The following IFT22 variants were observed in gnomAD, a reference collection of about 807,000 sequenced individuals.
The protein encoded by IFT22 is intraflagellar transport 22.
A neutral mutation model predicts 21.0 loss-of-function variants in IFT22; 13 were observed. That is an observed-to-expected ratio of 0.62 (90% CI 0.40 to 0.98). IFT22 has a LOEUF of 0.98. Ranked by LOEUF, IFT22 falls within the 50% of genes least tolerant of loss-of-function variation. The pLI, the probability that IFT22 is intolerant of heterozygous loss-of-function variation, is 0.00. For missense variants in IFT22, 227 were observed against 228.9 expected, an observed-to-expected ratio of 0.99 and a Z score of 0.06; for synonymous variants, 67 against 82.4, an observed-to-expected ratio of 0.81 and a Z score of 1.01.
In IFT22 at chr7:101,312,553, T is replaced by TTTTG. The variant is rs71126400; in HGVS notation, c.*2580_*2581insCAAA. ...GAGTTGTTTTTTTTTTTTTTTTTTT[T>TTTTG]GTGACGGAGTCTCGCTATGTTGCCG... On this transcript the variant is annotated 3_prime_UTR_variant, in exon 5 of 5. Transcript: ENST00000315322. 1.5e-5 allele frequency among the ~76,000 whole-genome samples: 2 copies of TTTTG among 135,964 alleles called. No individual in the cohort carries two copies. Among genetic ancestry groups the TTTTG allele is most frequent in the Non-Finnish European group, 3.2e-5 (2 of 63,170 alleles). The allele number at this position is 135,964 out of a possible 152,430, so 89.2% of individuals were successfully genotyped here. A position where few individuals can be genotyped will look rare whatever the true frequency, so the allele number is the denominator to read the frequency against.
chr7:101,316,060 G>C, intron 4 of IFT22: 1 of 318,408 alleles, frequency 3.1e-6, no homozygotes. Context: ...GTGTAGTGGT[G>C]AGATCTCAAC....
intron 4 of IFT22, chr7:101,315,573 T>A (rs181684223): frequency 4.5e-4 from 187 of 418,514 alleles, no homozygotes; most frequent in Admixed American, 1.8e-3. Flanking sequence ...GATGACTGTG[T>A]CACCTCTGGG....
intron 2 of IFT22, 115 bp downstream of exon 2, chr7:101,318,841 G>A (rs987069029): frequency 1.3e-5 from 10 of 774,668 alleles, no homozygotes; most frequent in Non-Finnish European, 2.3e-5. Flanking sequence ...TCCCTATATT[G>A]CCCAGGCCTC....
At position 101,321,147 on chromosome 7, in the gene IFT22, AAAC is replaced by A. The variant is rs200691106; in HGVS notation, c.39+521_39+523del. On this transcript the variant is annotated intron_variant, in intron 1 of 4. Transcript: ENST00000315322. ...GACAGGGCGAGACTCTGTCTCAAAA[AAAC>A]AAAACAAAACAAAAACAACAAATTT... Among the ~76,000 whole-genome samples the A allele has an allele frequency of 3.5e-3, 537 of 152,146 alleles. 25 individuals carry two copies. In the East Asian group the frequency reaches 0.091, roughly 26 times the overall value.
chr7:101,312,533 G>GTTTTTTTTT lies in IFT22; in HGVS notation c.*2592_*2600dup, dbSNP rs386410832. Among the ~76,000 whole-genome samples, 9 of 114,600 alleles carry GTTTTTTTTT rather than the reference G, an allele frequency of 7.9e-5. No homozygotes were observed. Among genetic ancestry groups the GTTTTTTTTT allele is most frequent in the Admixed American group, 1.1e-4 (1 of 9,224 alleles). The allele number at this position is 114,600 out of a possible 152,430, so 75.2% of individuals were successfully genotyped here. A position where few individuals can be genotyped will look rare whatever the true frequency, so the allele number is the denominator to read the frequency against. On this transcript the variant is annotated 3_prime_UTR_variant, in exon 5 of 5. Transcript: ENST00000315322. ...TAAATATAATGTTTTGGAGAGAGTTGTTTTTTTTTTTTTTTTTTTTGTGAC... is the reference window on the plus strand; with the variant it reads ...TAAATATAATGTTTTGGAGAGAGTTGTTTTTTTTTTTTTTTTTTTTTTTTTTTTTGTGAC...
At chr7:101,318,706 A>C (rs1790238465) in intron 2 of IFT22, 1 of 439,712 alleles carries the variant, frequency 2.3e-6, no homozygotes, top group Non-Finnish European at 4.2e-6. Context: ...GCACGATCAT[A>C]GCTCACTGCA....
intron 4 of IFT22, chr7:101,315,505 GAATA>G: frequency 1.7e-6 from 1 of 571,444 alleles, no homozygotes; most frequent in Non-Finnish European, 3.1e-6. Context: ...AACCAGAAAG[GAATA>G]GATTCTCTAT....
At chr7:101,317,221 C>T (rs750400104) in intron 3 of IFT22, among the ~76,000 whole-genome samples, 9 of 152,188 alleles carry the variant, frequency 5.9e-5, no homozygotes, top group Middle Eastern at 3.4e-3. Flanking sequence ...TGCCGTAGCA[C>T]GATCTTGGCT....
intron 3 of IFT22, among the ~76,000 whole-genome samples, chr7:101,317,739 A>G (rs757819105): frequency 5.9e-5 from 9 of 151,868 alleles, no homozygotes; most frequent in South Asian, 2.1e-4. Flanking sequence ...TTTTTGAGCT[A>G]GAAGTCCAGC....
intron 1 of IFT22, 177 bp from the exon 2 acceptor site, chr7:101,319,209 G>A (rs1790256530): frequency 1.7e-6 from 1 of 605,942 alleles, no homozygotes; most frequent in African/African-American, 1.8e-5. Flanking sequence ...GCACAGCCTG[G>A]TCTGGGGTCC....
intron 1 of IFT22, among the ~76,000 whole-genome samples, chr7:101,320,943 G>C (rs1790326274): frequency 6.6e-6 from 1 of 152,124 alleles, no homozygotes. Context: ...GGTCAGCAGA[G>C]ACCAGCCTGG....
chr7:101,318,708 C>T lies in IFT22; in HGVS notation c.116+248G>A, dbSNP rs574251393. 6 of 444,750 alleles carry T rather than the reference C, an allele frequency of 1.3e-5. No individual in the cohort carries two copies. The South Asian group carries it at 1.4e-4, about 11-fold the overall frequency. The allele number at this position is 444,750 out of a possible 1,614,324, so 27.6% of individuals were successfully genotyped here. On this transcript the variant is annotated intron_variant, in intron 2 of 4. Transcript: ENST00000315322. ...CTGGAGTGCAGTGGCACGATCATAG[C>T]TCACTGCAGCCTCCAACTCCTGGCC... is the stretch of plus-strand genomic sequence containing the variant.
intron 3 of IFT22, 97 bp from the exon 4 acceptor site, chr7:101,316,639 T>A: frequency 7.7e-7 from 1 of 1,304,564 alleles, no homozygotes; most frequent in Non-Finnish European, 1.1e-6. Context: ...AGTTGGTCTA[T>A]GACGGCTGGG....
At position 101,321,656 on chromosome 7, in the gene IFT22, C is replaced by T. The variant is rs940338532; in HGVS notation, c.39+15G>A. 3.8e-6 allele frequency: 6 copies of T among 1,593,912 alleles called. No individual in the cohort carries two copies. The African/African-American group carries it at 4.0e-5, about 11-fold the overall frequency. On this transcript the variant is annotated intron_variant, in intron 1 of 4. Transcript: ENST00000315322. ...CTGCTCCCCGCTCCCTCTGCCGCGC[C>T]GGGCCAGGACTTACCTCGCAAGGCC...
intron 4 of IFT22, chr7:101,315,863 G>A (rs1283228181): frequency 5.8e-6 from 1 of 171,200 alleles, no homozygotes; most frequent in East Asian, 1.7e-4. Flanking sequence ...GCTAATTTTT[G>A]TATTTTTAGT....
intron 3 of IFT22, among the ~76,000 whole-genome samples, chr7:101,317,904 T>A (rs1470771511): frequency 6.6e-6 from 1 of 152,084 alleles, no homozygotes; most frequent in Non-Finnish European, 1.5e-5. Context: ...CCAACTGGGA[T>A]TACATGTGCC....
intron 2 of IFT22, 104 bp from the exon 3 acceptor site, chr7:101,318,317 C>G: frequency 1.4e-6 from 1 of 724,776 alleles, no homozygotes; most frequent in Non-Finnish European, 2.4e-6. Context: ...GTCAGGAGTT[C>G]GAGACCAGCC....
chr7:101,315,718 T>C, intron 4 of IFT22: 1 of 202,992 alleles, frequency 4.9e-6, no homozygotes, highest in Non-Finnish European at 9.9e-6. Context: ...GAAACAGAGT[T>C]TCACTCTTGT....
chr7:101,318,170 C>T lies in IFT22; in HGVS notation c.160G>A (p.Gly54Ser). Residue 54 changes from glycine to serine, a missense_variant, in exon 3 of 5, where the codon GGC becomes AGC. Transcript: ENST00000315322. ...CATAGCTCGAATTCACAGCCCGTGC[C>T]TTTGTTGTTGCTGGTAACATGCGGG... ...ENPHVTSNNK[G>S]TGCEFELWDC... 6.2e-7 allele frequency: 1 copy of T among 1,613,496 alleles called. No individual in the cohort carries two copies. Among genetic ancestry groups the T allele is most frequent in the Admixed American group, 1.7e-5 (1 of 59,976 alleles).
Sources: gnomAD v4.1 joint callset for allele counts (sites outside exome capture counted in the v4.1 genomes callset) on GRCh38, gnomAD v4.1.1 for gene constraint, MANE v1.5 for transcripts, NCBI Gene and HGNC (gene_info 2026-07-23, HGNC 2026-07-21) for gene names.